Variants in CDH13 observed in about 807,000 individuals in gnomAD.
CDH13 encodes cadherin 13, also known as cadherin-13.
Under a neutral mutation model 63.8 loss-of-function variants are expected in CDH13, and 24 were observed. The observed-to-expected ratio is 0.38, with a 90% CI of 0.27 to 0.53. CDH13 has a LOEUF of 0.53. CDH13 is among the 20% of genes least tolerant of loss of function. The pLI, the probability that CDH13 is intolerant of heterozygous loss-of-function variation, is 0.85. For missense variants in CDH13, 1,049 were observed against 903.1 expected (o/e 1.16, Z -2.07); for synonymous variants, 503 against 355.3 (o/e 1.42, Z -4.67).
intron 2 of CDH13, among the ~76,000 whole-genome samples, chr16:82,958,482 C>G (rs1174039081): frequency 2.6e-5 from 4 of 152,078 alleles, no homozygotes; most frequent in Admixed American, 2.6e-4. Context: ...GCAAAATTAT[C>G]CTGAAAAATT....
intron 2 of CDH13, among the ~76,000 whole-genome samples, chr16:82,911,908 T>C (rs1224542944): frequency 6.6e-6 from 1 of 152,050 alleles, no homozygotes; most frequent in African/African-American, 2.4e-5. Flanking sequence ...CACCCAGTGC[T>C]CTGGACCTCC....
chr16:83,107,100 G>C (rs1158048644), intron 3 of CDH13, among the ~76,000 whole-genome samples: 1 of 152,188 alleles, frequency 6.6e-6, no homozygotes, highest in Non-Finnish European at 1.5e-5. Flanking sequence ...ATTGAAGAGA[G>C]TCAAAACTTG....
At chr16:83,110,037 A>G (rs2034984599) in intron 3 of CDH13, among the ~76,000 whole-genome samples, 1 of 152,320 alleles carries the variant, frequency 6.6e-6, no homozygotes, top group South Asian at 2.1e-4. Context: ...TAGCGGTTCA[A>G]ACGTGGGGAA....
intron 1 of CDH13, among the ~76,000 whole-genome samples, chr16:82,857,786 C>G (rs941876164): frequency 1.3e-5 from 2 of 151,800 alleles, no homozygotes; most frequent in Non-Finnish European, 2.9e-5. Flanking sequence ...CATTCTTTTC[C>G]TTATTTAGAC....
At chr16:82,739,490 C>G (rs1026986790) in intron 1 of CDH13, among the ~76,000 whole-genome samples, 1 of 152,080 alleles carries the variant, frequency 6.6e-6, no homozygotes, top group Admixed American at 6.6e-5. Flanking sequence ...GAGAGAAGAC[C>G]AAGTAACAGT....
intron 4 of CDH13, among the ~76,000 whole-genome samples, chr16:83,186,369 C>T (rs971310677): frequency 1.3e-5 from 2 of 151,870 alleles, no homozygotes; most frequent in Admixed American, 6.6e-5. Context: ...AATCTCTTGA[C>T]CTTTTGATCC....
chr16:83,722,051 G>C (rs1401330079), intron 10 of CDH13, among the ~76,000 whole-genome samples: 1 of 152,124 alleles, frequency 6.6e-6, no homozygotes, highest in Non-Finnish European at 1.5e-5. Flanking sequence ...GGGGACACTG[G>C]AGCCCTGGAG....
At chr16:83,264,316 C>G (rs924032801) in intron 5 of CDH13, among the ~76,000 whole-genome samples, 1 of 152,152 alleles carries the variant, frequency 6.6e-6, no homozygotes. Context: ...CTTGAACTCT[C>G]AAATCTTTGT....
intron 7 of CDH13, among the ~76,000 whole-genome samples, chr16:83,512,064 G>GT (rs1160931824): frequency 1.3e-5 from 2 of 152,140 alleles, no homozygotes; most frequent in Non-Finnish European, 2.9e-5. Flanking sequence ...GCTCACGCCT[G>GT]TAATTCCAGC....
intron 10 of CDH13, among the ~76,000 whole-genome samples, chr16:83,713,209 C>G (rs1272348232): frequency 6.6e-6 from 1 of 152,230 alleles, no homozygotes; most frequent in Non-Finnish European, 1.5e-5. Context: ...TTCCAACCCT[C>G]TCTCCGTCTA....
intron 6 of CDH13, among the ~76,000 whole-genome samples, chr16:83,356,771 A>G (rs2091065016): frequency 6.6e-6 from 1 of 152,248 alleles, no homozygotes; most frequent in Non-Finnish European, 1.5e-5. Context: ...TATGTCTTAT[A>G]AAATATAGGT....
At chr16:83,415,469 A>G (rs1450741760) in intron 6 of CDH13, among the ~76,000 whole-genome samples, 4 of 152,178 alleles carry the variant, frequency 2.6e-5, no homozygotes, top group African/African-American at 7.2e-5. Flanking sequence ...AAGAAAAGAA[A>G]ACAAAAGACC....
At chr16:82,770,042 A>T (rs1250688700) in intron 1 of CDH13, among the ~76,000 whole-genome samples, 1 of 152,194 alleles carries the variant, frequency 6.6e-6, no homozygotes, top group East Asian at 1.9e-4. Context: ...GTCCCCAGCT[A>T]ATTTTGCCAG....
At chr16:82,769,719 G>T (rs552237812) in intron 1 of CDH13, among the ~76,000 whole-genome samples, 1 of 152,206 alleles carries the variant, frequency 6.6e-6, no homozygotes, top group African/African-American at 2.4e-5. Flanking sequence ...ATTATTCACA[G>T]AAAGACATGT....
chr16:83,793,229 G>A (rs183337696), intron 13 of CDH13, among the ~76,000 whole-genome samples: 67 of 152,280 alleles, frequency 4.4e-4, no homozygotes, highest in African/African-American at 1.3e-3. Flanking sequence ...TGGAATTCAC[G>A]CCTCTGCTGG....
At chr16:82,705,079 C>A (rs145990056) in intron 1 of CDH13, 6 of 455,188 alleles carry the variant, frequency 1.3e-5, no homozygotes, top group African/African-American at 4.0e-5. Context: ...TGAGGCCTAC[C>A]ATATACCTAT....
At chr16:83,620,520 T>G (rs1909716883) in intron 8 of CDH13, among the ~76,000 whole-genome samples, 1 of 152,010 alleles carries the variant, frequency 6.6e-6, no homozygotes, top group Non-Finnish European at 1.5e-5. Flanking sequence ...GCCAACAGCA[T>G]GAGACCCAAC....
intron 4 of CDH13, among the ~76,000 whole-genome samples, chr16:83,212,433 C>G (rs1055464670): frequency 1.3e-5 from 2 of 152,182 alleles, no homozygotes; most frequent in African/African-American, 4.8e-5. Flanking sequence ...ACTCCACTTT[C>G]ATGCTTTCCT....
Position 83,670,885 on chromosome 16 carries a change from C to T in CDH13, c.1197C>T (p.Ala399=), listed in dbSNP as rs1052058518. The T allele has an allele frequency of 6.2e-7, 1 of 1,613,628 alleles. No homozygotes were observed. Among genetic ancestry groups the T allele is most frequent in the Non-Finnish European group, 8.5e-7 (1 of 1,179,730 alleles). The part of the protein sequence containing the change: ...DDPTTGAWRA[A]YTIINGNPGQ... ...CCACCACAGGTGCATGGAGGGCTGC[C>T]TACACCATCATCAACGGAAACCCCG... Residue 399 remains alanine, a synonymous_variant, in exon 9 of 14, where the codon GCC becomes GCT. Coordinates refer to ENST00000567109, the MANE Select transcript of CDH13 (RefSeq NM_001257.5).
Sources: allele counts gnomAD v4.1 joint callset (sites outside exome capture counted in the v4.1 genomes callset), GRCh38; gene constraint gnomAD v4.1.1; transcripts MANE v1.5; gene names NCBI Gene and HGNC (gene_info 2026-07-23, HGNC 2026-07-21).